ZBTB7C: variants seen among roughly 807,000 people sequenced by gnomAD.
ZBTB7C encodes zinc finger and BTB domain-containing protein 7C.
ZBTB7C carries 8 observed loss-of-function variants against 25.7 expected under a neutral mutation model. The ratio of observed to expected loss-of-function variants is 0.31; its 90% CI spans 0.18 to 0.56. ZBTB7C has a LOEUF of 0.56. ZBTB7C is among the 20% of genes least tolerant of loss of function. The pLI is 0.91. For synonymous variants in ZBTB7C, 394 were observed against 369.0 expected (o/e 1.07, Z -0.78); for missense variants, 824 against 855.2 (o/e 0.96, Z 0.46).
intron 3 of ZBTB7C, among the ~76,000 whole-genome samples, chr18:48,056,384 T>C (rs542359513): frequency 1.5e-4 from 23 of 152,340 alleles, no homozygotes; most frequent in Non-Finnish European, 2.9e-4. Flanking sequence ...ATTCTGAAGT[T>C]CATATAGAAA....
intron 2 of ZBTB7C, among the ~76,000 whole-genome samples, chr18:48,214,096 G>T (rs1444465226): frequency 6.6e-6 from 1 of 152,220 alleles, no homozygotes; most frequent in Non-Finnish European, 1.5e-5. Context: ...ACTGGTGGCT[G>T]CTTTTTCTCC....
chr18:48,339,177 C>T (rs1598904561), intron 1 of ZBTB7C, among the ~76,000 whole-genome samples: 1 of 152,262 alleles, frequency 6.6e-6, no homozygotes, highest in African/African-American at 2.4e-5. Flanking sequence ...AAGGTGGCTA[C>T]AGCCCTGCAT....
chr18:48,118,739 C>T (rs892486183), intron 3 of ZBTB7C, among the ~76,000 whole-genome samples: 1 of 152,158 alleles, frequency 6.6e-6, no homozygotes, highest in African/African-American at 2.4e-5. Context: ...AGGAAATGCT[C>T]AGATAAAGTG....
At chr18:48,258,613 C>T (rs950606045) in intron 2 of ZBTB7C, among the ~76,000 whole-genome samples, 1 of 152,090 alleles carries the variant, frequency 6.6e-6, no homozygotes, top group Non-Finnish European at 1.5e-5. Flanking sequence ...TCAATTATCC[C>T]CCAAATTGAT....
intron 3 of ZBTB7C, among the ~76,000 whole-genome samples, chr18:48,057,371 A>G (rs1219068963): frequency 6.6e-6 from 1 of 152,206 alleles, no homozygotes; most frequent in Non-Finnish European, 1.5e-5. Context: ...TGCTAGATAC[A>G]TCATGGAGTA....
intron 1 of ZBTB7C, among the ~76,000 whole-genome samples, chr18:48,389,757 C>G (rs1012867374): frequency 4.6e-5 from 7 of 152,158 alleles, no homozygotes; most frequent in Non-Finnish European, 8.8e-5. Flanking sequence ...GGAGAACGCT[C>G]AGAGGAAAGT....
chr18:48,259,492 T>C (rs1327917678), intron 2 of ZBTB7C, among the ~76,000 whole-genome samples: 2 of 125,868 alleles, frequency 1.6e-5, no homozygotes, highest in Non-Finnish European at 3.1e-5. Context: ...AATAATGTCT[T>C]AGATATGACA....
chr18:48,315,870 A>G (rs1395155948), intron 2 of ZBTB7C, among the ~76,000 whole-genome samples: 2 of 152,154 alleles, frequency 1.3e-5, no homozygotes, highest in African/African-American at 4.8e-5. Flanking sequence ...ATGTATAATC[A>G]AGGCCATGGA....
chr18:48,216,052 G>A (rs1385845281), intron 2 of ZBTB7C, among the ~76,000 whole-genome samples: 3 of 152,172 alleles, frequency 2.0e-5, no homozygotes, highest in African/African-American at 4.8e-5. Flanking sequence ...ATAATAAGGC[G>A]TGTCCAACCC....
At chr18:48,355,315 G>A (rs1379817460) in intron 1 of ZBTB7C, among the ~76,000 whole-genome samples, 4 of 152,272 alleles carry the variant, frequency 2.6e-5, no homozygotes, top group East Asian at 3.9e-4. Flanking sequence ...AATGTCACAC[G>A]GACCAGCCAT....
At chr18:48,063,220 C>T (rs777072995) in intron 3 of ZBTB7C, among the ~76,000 whole-genome samples, 3 of 152,232 alleles carry the variant, frequency 2.0e-5, no homozygotes, top group Admixed American at 6.5e-5. Context: ...CGTTCATCTC[C>T]GCCTCCTTGT....
rs535852783 is a variant in ZBTB7C, at chr18:48,328,525, G to A, written c.-79+9649C>T. ...TTACTGCATATCTACTATATACCTG[G>A]TTGGGCTGGCCCAAATGATGTCCAA... On this transcript the variant is annotated intron_variant, in intron 2 of 4. Transcript: ENST00000590800. 2.0e-5 allele frequency among the ~76,000 whole-genome samples: 3 copies of A among 152,236 alleles called. No homozygotes were observed. In the South Asian group the frequency reaches 6.2e-4, roughly 32 times the overall value.
At chr18:48,268,293 AC>A (rs1163434429) in intron 2 of ZBTB7C, among the ~76,000 whole-genome samples, 39 of 152,356 alleles carry the variant, frequency 2.6e-4, no homozygotes, top group African/African-American at 8.9e-4. Context: ...TGCATGAGAC[AC>A]TTGTTTAAAA....
At chr18:48,276,074 C>T (rs903118815) in intron 2 of ZBTB7C, among the ~76,000 whole-genome samples, 1 of 152,024 alleles carries the variant, frequency 6.6e-6, no homozygotes, top group African/African-American at 2.4e-5. Context: ...ACGGCAGCAA[C>T]CGCGATGGGG....
intron 1 of ZBTB7C, among the ~76,000 whole-genome samples, chr18:48,359,278 CTG>C (rs2145089411): frequency 6.6e-6 from 1 of 152,146 alleles, no homozygotes; most frequent in East Asian, 1.9e-4. Context: ...AATTTTTTCT[CTG>C]TGTCATTTTT....
At chr18:48,281,784 T>C (rs1025712867) in intron 2 of ZBTB7C, among the ~76,000 whole-genome samples, 1 of 151,076 alleles carries the variant, frequency 6.6e-6, no homozygotes, top group African/African-American at 2.4e-5. Flanking sequence ...CCAGTTAGAA[T>C]GGCAATCATT....
chr18:48,248,272 G>A (rs1303738761), intron 2 of ZBTB7C, among the ~76,000 whole-genome samples: 1 of 152,150 alleles, frequency 6.6e-6, no homozygotes, highest in Non-Finnish European at 1.5e-5. Flanking sequence ...CCCCAGCCAT[G>A]CAAACTGTGA....
chr18:48,268,566 T>TAGATATCAAGGGTAATC lies in ZBTB7C; in HGVS notation c.-79+69591_-79+69607dup, dbSNP rs560622739. Among the ~76,000 whole-genome samples, 65 of 152,296 alleles carry TAGATATCAAGGGTAATC rather than the reference T, an allele frequency of 4.3e-4. No individual in the cohort carries two copies. In the South Asian group the frequency reaches 0.013, roughly 31 times the overall value. On this transcript the variant is annotated intron_variant, in intron 2 of 4. Coordinates refer to ENST00000590800, the MANE Select transcript of ZBTB7C (RefSeq NM_001318841.2). ...AAGGGTGAGGGATGATGAACTTGAT[T>TAGATATCAAGGGTAATC]AGATATCAAGGGTAATCAGATATCA...
At chr18:48,044,120 C>A (rs370868643) in intron 3 of ZBTB7C, among the ~76,000 whole-genome samples, 1 of 152,146 alleles carries the variant, frequency 6.6e-6, no homozygotes, top group Non-Finnish European at 1.5e-5. Context: ...TGAGTGGCCC[C>A]GTTGAACATG....
Sources: allele counts gnomAD v4.1 joint callset (sites outside exome capture counted in the v4.1 genomes callset), GRCh38; gene constraint gnomAD v4.1.1; transcripts MANE v1.5; gene names NCBI Gene and HGNC (gene_info 2026-07-23, HGNC 2026-07-21).